The following PCNT variants were observed in gnomAD, a reference collection of about 807,000 sequenced individuals.
PCNT encodes the protein kendrin.
PCNT carries 319 observed loss-of-function variants against 380.4 expected under a neutral mutation model. The observed-to-expected ratio is 0.84, with a 90% CI of 0.77 to 0.92. PCNT has a LOEUF of 0.92. Among genes scored for constraint, PCNT ranks in the 40% least tolerant of loss-of-function variants. The pLI, the probability that PCNT is intolerant of heterozygous loss-of-function variation, is 0.00. For synonymous variants in PCNT, 1,845 were observed against 1,735.2 expected, an observed-to-expected ratio of 1.06 and a Z score of -1.57; for missense variants, 4,400 against 4,255.3, an observed-to-expected ratio of 1.03 and a Z score of -0.95.
chr21:46,337,638 A>G (rs1172528661), intron 3 of PCNT, among the ~76,000 whole-genome samples: 1 of 152,182 alleles, frequency 6.6e-6, no homozygotes, highest in Non-Finnish European at 1.5e-5. Flanking sequence ...GCTGGAGTGC[A>G]GTGGCGCGAT....
Position 46,326,450 on chromosome 21 carries a change from G to T in PCNT, c.128G>T (p.Gly43Val), listed in dbSNP as rs564855870. Residue 43 changes from glycine to valine, a missense_variant, in exon 2 of 47, where the codon GGC becomes GTC. Coordinates refer to ENST00000359568, the MANE Select transcript of PCNT (RefSeq NM_006031.6). ...HSEKKTAKRK[G>V]SAVDASVQEE... is the part of the protein sequence containing the mutation. ...GAGAAAAAGACGGCGAAGAGGAAGGGCTCGGCTGTCGATGCGTCTGTCCAG... is the reference window on the plus strand; with the variant it reads ...GAGAAAAAGACGGCGAAGAGGAAGGTCTCGGCTGTCGATGCGTCTGTCCAG... The T allele has an allele frequency of 6.2e-7, 1 of 1,614,252 alleles. No homozygotes were observed. The highest frequency in any genetic ancestry group is 8.5e-7 in the Non-Finnish European group (1 of 1,180,050).
intron 38 of PCNT, among the ~76,000 whole-genome samples, chr21:46,435,280 C>T (rs1171368901): frequency 6.6e-6 from 1 of 152,100 alleles, no homozygotes. Context: ...GGCTGGAGTG[C>T]AGTGGCGCAA....
chr21:46,366,972 C>G lies in PCNT; in HGVS notation c.2998C>G (p.Gln1000Glu). 6.2e-7 allele frequency: 1 copy of G among 1,614,202 alleles called. No homozygotes were observed. Among genetic ancestry groups the G allele is most frequent in the Middle Eastern group, 1.6e-4 (1 of 6,062 alleles). The change falls in exon 15 of 47, where the codon CAA becomes GAA. Residue 1000 changes from glutamine to glutamate, a missense_variant. By Grantham distance (29) the Gln-to-Glu change is conservative. Coordinates refer to ENST00000359568, the MANE Select transcript of PCNT (RefSeq NM_006031.6). ...GCTCTTACGAGCAGACTTTGAGGAA[C>G]AACTGTGGAAAAAGGACTCTCTTCA... ...LELLRADFEEQLWKKDSLHQT... is the reference protein window; with the variant it reads ...LELLRADFEEELWKKDSLHQT...
At chr21:46,348,372 G>T in intron 6 of PCNT, 1 of 167,828 alleles carries the variant, frequency 6.0e-6, no homozygotes, top group Non-Finnish European at 1.3e-5. Context: ...GTTTTGGGGT[G>T]GATGGTCCCT....
chr21:46,352,315 C>T (rs2084302899), intron 9 of PCNT, among the ~76,000 whole-genome samples: 1 of 152,120 alleles, frequency 6.6e-6, no homozygotes, highest in East Asian at 1.9e-4. Flanking sequence ...GCCCTGCGCC[C>T]TGCCGGGACC....
In PCNT at chr21:46,334,071, G is replaced by A. The variant is rs1601757573; in HGVS notation, c.268-326G>A. The stretch of plus-strand genomic sequence containing the variant: ...AATACAAAAATTAGCTGGGCGTGGT[G>A]GCGGGCACCCATAGTCCCAGCTACT... On this transcript the variant is annotated intron_variant, in intron 2 of 46. Coordinates refer to ENST00000359568, the MANE Select transcript of PCNT (RefSeq NM_006031.6). Among the ~76,000 whole-genome samples the A allele has an allele frequency of 2.0e-5, 3 of 152,110 alleles. No individual in the cohort carries two copies. The East Asian group carries it at 5.8e-4, about 30-fold the overall frequency.
intron 38 of PCNT, among the ~76,000 whole-genome samples, chr21:46,433,315 G>A (rs889670168): frequency 5.3e-5 from 8 of 152,250 alleles, no homozygotes; most frequent in Admixed American, 2.6e-4. Context: ...CCCGCAAGGC[G>A]GAGGTTGCAG....
chr21:46,340,521 G>C (rs1569169962), intron 3 of PCNT, among the ~76,000 whole-genome samples: 1 of 152,158 alleles, frequency 6.6e-6, no homozygotes, highest in African/African-American at 2.4e-5. Flanking sequence ...GCTGTTTTTA[G>C]TTCTATTTGG....
intron 17 of PCNT, among the ~76,000 whole-genome samples, chr21:46,387,748 C>T (rs993163277): frequency 8.5e-5 from 13 of 152,154 alleles, no homozygotes; most frequent in Non-Finnish European, 1.3e-4. Flanking sequence ...GTCTGCTCCT[C>T]AGGGTTGGGC....
intron 24 of PCNT, among the ~76,000 whole-genome samples, 188 bp from the exon 25 acceptor site, chr21:46,399,402 A>AGGTCTCCCTCTGCAGCCTGTGGGTCTG (rs2086344747): frequency 1.3e-5 from 1 of 78,570 alleles, no homozygotes. Flanking sequence ...CTGTGGGTCT[A>AGGTCTCCCTCTGCAGCCTGTGGGTCTG]GGTCTCCCTG....
rs1381009921 is a variant in PCNT, at chr21:46,431,893, A to G, written c.8429A>G (p.Lys2810Arg). The G allele has an allele frequency of 2.5e-6, 4 of 1,614,072 alleles. No homozygotes were observed. The South Asian group carries it at 4.4e-5, about 18-fold the overall frequency. Residue 2810 changes from lysine (K) to arginine (R), a missense_variant, in exon 38 of 47, where the codon AAG becomes AGG. Coordinates refer to ENST00000359568, the MANE Select transcript of PCNT (RefSeq NM_006031.6). ...RVVDLQAMLE[K>R]VQQQALHSQQ... ...GTGGACTTGCAAGCGATGCTTGAAAAGGTGCAGCAGCAAGCCCTGCATTCT... is the reference window on the plus strand; with the variant it reads ...GTGGACTTGCAAGCGATGCTTGAAAGGGTGCAGCAGCAAGCCCTGCATTCT...
At chr21:46,399,504 C>T (rs934336738) in intron 24 of PCNT, 86 bp from the exon 25 acceptor site, 1 of 994,544 alleles carries the variant, frequency 1.0e-6, no homozygotes, top group Non-Finnish European at 1.6e-6. Context: ...TATTTTGTCT[C>T]TGTTGTTTTG....
rs1460986917 is a variant in PCNT at position 46,386,591 on chromosome 21, C to T, written c.3464+608C>T. On this transcript the variant is annotated intron_variant, in intron 17 of 46. Transcript: ENST00000359568. ...GGGCCGTGGGGCCGCCTTCCCTGAA[C>T]GCATGGGTCCAGGCCACATCCTGCC... Among the ~76,000 whole-genome samples, 3 of 152,238 alleles carry T rather than the reference C, an allele frequency of 2.0e-5. No homozygotes were observed. In the East Asian group the frequency reaches 5.8e-4, roughly 29 times the overall value.
At chr21:46,402,004 C>T (rs192866605) in intron 26 of PCNT, among the ~76,000 whole-genome samples, 127 of 152,278 alleles carry the variant, frequency 8.3e-4, no homozygotes, top group African/African-American at 2.7e-3. Flanking sequence ...GTGCACCCAC[C>T]GCCACGCCCG....
intron 13 of PCNT, among the ~76,000 whole-genome samples, chr21:46,358,706 C>G (rs1470663017): frequency 6.6e-6 from 1 of 150,678 alleles, no homozygotes; most frequent in Non-Finnish European, 1.5e-5. Context: ...CTCACTGCAA[C>G]CTTCACCTCC....
intron 3 of PCNT, among the ~76,000 whole-genome samples, chr21:46,335,495 A>G (rs1262622817): frequency 6.6e-6 from 1 of 151,886 alleles, no homozygotes; most frequent in East Asian, 1.9e-4. Flanking sequence ...GGAATTTTAG[A>G]CCAGCCTGGC....
At chr21:46,372,137 C>T (rs868189472) in intron 15 of PCNT, among the ~76,000 whole-genome samples, 21 of 150,226 alleles carry the variant, frequency 1.4e-4, no homozygotes, top group Non-Finnish European at 2.7e-4. Context: ...AGCACACTCA[C>T]AGCACATGTG....
Position 46,349,132 on chromosome 21 carries a change from G to T in PCNT, c.1153G>T (p.Ala385Ser), listed in dbSNP as rs1247204745. The T allele has an allele frequency of 1.2e-6, 2 of 1,613,640 alleles. No individual in the cohort carries two copies. Among genetic ancestry groups the T allele is most frequent in the African/African-American group, 2.7e-5 (2 of 74,928 alleles). The change falls in exon 7 of 47, where the codon GCA becomes TCA. Residue 385 changes from alanine to serine, a missense_variant. Transcript: ENST00000359568. Reference sequence around the variant, plus strand: ...ACAAAACCAGTTTCAGAAAGAATTGGCAGAACAGAGAGCTGAGTTGGAGAA... The same window carrying T: ...ACAAAACCAGTTTCAGAAAGAATTGTCAGAACAGAGAGCTGAGTTGGAGAA... ...DLQNQFQKEL[A>S]EQRAELEKIF...
At chr21:46,397,128 A>G in intron 21 of PCNT, 137 bp from the exon 22 acceptor site, 1 of 722,602 alleles carries the variant, frequency 1.4e-6, no homozygotes, top group South Asian at 1.5e-5. Context: ...GTTTTAAAAG[A>G]TGGGCGTTTT....
Sources: gnomAD v4.1 joint callset for allele counts (sites outside exome capture counted in the v4.1 genomes callset) on GRCh38, gnomAD v4.1.1 for gene constraint, MANE v1.5 for transcripts, NCBI Gene and HGNC (gene_info 2026-07-23, HGNC 2026-07-21) for gene names.